The following ITSN1 variants were observed in gnomAD, a reference collection of about 807,000 sequenced individuals.
The protein encoded by ITSN1 is intersectin 1, also known as intersectin-1.
ITSN1 carries 58 observed loss-of-function variants against 239.8 expected under a neutral mutation model. The ratio of observed to expected loss-of-function variants is 0.24; its 90% confidence interval spans 0.20 to 0.30. The LOEUF (loss-of-function observed/expected upper bound fraction) is 0.30. ITSN1 is among the 10% of genes least tolerant of loss of function. The probability of loss-of-function intolerance (pLI) is 1.00; values close to 1 mark genes in which losing one functional copy is unlikely to be tolerated. For missense variants in ITSN1, 1,558 were observed against 2,103.3 expected, an observed-to-expected ratio of 0.74 and a Z score of 5.07; for synonymous variants, 780 against 770.8, an observed-to-expected ratio of 1.01 and a Z score of -0.20.
chr21:33,868,684 C>T (rs1467971554), intron 33 of ITSN1, among the ~76,000 whole-genome samples: 2 of 152,228 alleles, frequency 1.3e-5, no homozygotes, highest in Non-Finnish European at 2.9e-5. Context: ...GCCCCGGTTC[C>T]TGCTCGCGCC....
intron 8 of ITSN1, among the ~76,000 whole-genome samples, chr21:33,757,959 C>A (rs1176321243): frequency 6.6e-6 from 1 of 152,118 alleles, no homozygotes; most frequent in African/African-American, 2.4e-5. Flanking sequence ...TCACTGCAGC[C>A]TTGAACTCCT....
intron 1 of ITSN1, among the ~76,000 whole-genome samples, chr21:33,699,443 G>A (rs1222087695): frequency 6.6e-6 from 1 of 152,210 alleles, no homozygotes; most frequent in African/African-American, 2.4e-5. Flanking sequence ...TAAAATACAA[G>A]TCCAGCTGGC....
At chr21:33,761,841 C>A (rs2068351166) in intron 8 of ITSN1, 82 bp from the exon 9 acceptor site, 18 of 959,768 alleles carry the variant, frequency 1.9e-5, no homozygotes, top group Non-Finnish European at 3.4e-6. Flanking sequence ...ATGGAGTAGT[C>A]CACATACGCA....
At chr21:33,868,620 A>C (rs6517194) in intron 33 of ITSN1, among the ~76,000 whole-genome samples, 94,204 of 152,122 alleles carry the variant, frequency 0.62, 31,189 homozygotes, top group African/African-American at 0.88. Context: ...AGTGCGGGGC[A>C]CGCCAAGCCC....
rs1267317460 is a variant in ITSN1 at position 33,654,042 on chromosome 21, C to A, written c.-33+11329C>A. ...CCTTCTTTCCTTCCTCTTTCTCTTT[C>A]TTTCTCTCTTTGTCTCTTCTTTCTC... On this transcript the variant is annotated intron_variant, in intron 1 of 39. Transcript: ENST00000381318. Among the ~76,000 whole-genome samples the A allele has an allele frequency of 2.6e-5, 4 of 151,678 alleles. No individual in the cohort carries two copies. In the South Asian group the frequency reaches 8.3e-4, roughly 32 times the overall value.
At position 33,895,595 on chromosome 21, in the gene ITSN1, G is replaced by GC. The variant is rs1337683670; in HGVS notation, c.*7296dup. 2 of 134,478 alleles carry GC rather than the reference G, an allele frequency of 1.5e-5. No individual in the cohort carries two copies. Among genetic ancestry groups the GC allele is most frequent in the African/African-American group, 5.3e-5 (2 of 37,610 alleles). 8.3% of individuals were successfully genotyped at this position (134,478 alleles called of 1,614,324 possible). A position where few individuals can be genotyped will look rare whatever the true frequency, so the allele number is the denominator to read the frequency against. The stretch of plus-strand genomic sequence containing the variant: ...TGTGCGTGTGTGCATGTTTGTGAGT[G>GC]CATGTGTTTGTGCGTGTGTGCGTAT... On this transcript the variant is annotated 3_prime_UTR_variant, in exon 40 of 40. Coordinates refer to ENST00000381318, the MANE Select transcript of ITSN1 (RefSeq NM_003024.3).
intron 9 of ITSN1, among the ~76,000 whole-genome samples, chr21:33,762,716 G>A (rs2068436166): frequency 6.7e-6 from 1 of 149,508 alleles, no homozygotes; most frequent in South Asian, 2.1e-4. Flanking sequence ...TCATCCAGAT[G>A]GCAGTGGTGC....
In ITSN1 at chr21:33,643,010, G is replaced by A. The variant is rs1259906669; in HGVS notation, c.-33+297G>A. Among the ~76,000 whole-genome samples, 3 of 149,478 alleles carry A rather than the reference G, an allele frequency of 2.0e-5. No individual in the cohort carries two copies. The South Asian group carries it at 6.3e-4, about 31-fold the overall frequency. ...CCGCGGGACGGGCGTGGGGATGAAT[G>A]GGCGCCGCGGCCCCGCCGCCGAGCG... On this transcript the variant is annotated intron_variant, in intron 1 of 39. Coordinates refer to ENST00000381318, the MANE Select transcript of ITSN1 (RefSeq NM_003024.3).
At chr21:33,782,844 T>C (rs2070315244) in intron 16 of ITSN1, among the ~76,000 whole-genome samples, 1 of 152,056 alleles carries the variant, frequency 6.6e-6, no homozygotes, top group Non-Finnish European at 1.5e-5. Flanking sequence ...GCTAACACGG[T>C]GAAACCCCGT....
intron 1 of ITSN1, among the ~76,000 whole-genome samples, chr21:33,709,772 A>AT (rs2092359227): frequency 1.3e-5 from 2 of 152,046 alleles, no homozygotes; most frequent in Non-Finnish European, 2.9e-5. Flanking sequence ...TGTTTTCTAG[A>AT]TTCTCTGGGA....
At position 33,865,072 on chromosome 21, in the gene ITSN1, T is replaced by C; in HGVS notation, c.3891-79T>C. The stretch of plus-strand genomic sequence containing the variant: ...GGCTGTGCCCCTCACACACATTCTG[T>C]TTCTGTGCAACCTAAGTGTGCTGTG... On this transcript the variant is annotated intron_variant, in intron 31 of 39. Transcript: ENST00000381318. This position sits in a 1 kb window ranked among gnomAD's most constrained non-coding sequence, Gnocchi z 4.4. 1 of 1,421,722 alleles carries C rather than the reference T, an allele frequency of 7.0e-7. No homozygotes were observed. Among genetic ancestry groups the C allele is most frequent in the South Asian group, 1.4e-5 (1 of 71,618 alleles). The allele number at this position is 1,421,722 out of a possible 1,614,324, so 88.1% of individuals were successfully genotyped here. A position where few individuals can be genotyped will look rare whatever the true frequency, so the allele number is the denominator to read the frequency against.
chr21:33,754,385 G>A (rs2067774490), intron 7 of ITSN1, among the ~76,000 whole-genome samples: 2 of 152,202 alleles, frequency 1.3e-5, no homozygotes, highest in African/African-American at 4.8e-5. Context: ...CAGTATTTCA[G>A]TAAGATTGTG....
chr21:33,869,039 A>T (rs1982251818), intron 33 of ITSN1, among the ~76,000 whole-genome samples: 1 of 151,282 alleles, frequency 6.6e-6, no homozygotes, highest in South Asian at 2.1e-4. Context: ...TTCTCCCTTG[A>T]CTCTTTCTTA....
intron 17 of ITSN1, among the ~76,000 whole-genome samples, chr21:33,795,801 T>TAAAATAGCATAATACAG (rs1213638343): frequency 3.3e-5 from 5 of 152,076 alleles, no homozygotes; most frequent in African/African-American, 4.8e-5. Context: ...GAAAAATACA[T>TAAAATAGCATAATACAG]AAAATAGCAT....
intron 15 of ITSN1, 53 bp downstream of exon 15, chr21:33,781,601 C>A: frequency 2.0e-6 from 2 of 1,023,920 alleles, no homozygotes; most frequent in Non-Finnish European, 2.9e-6. Context: ...CTTTTTTTGA[C>A]ATGGAGTCTC....
intron 5 of ITSN1, among the ~76,000 whole-genome samples, chr21:33,738,279 A>G (rs2066624005): frequency 6.6e-6 from 1 of 152,208 alleles, no homozygotes; most frequent in African/African-American, 2.4e-5. Context: ...CACAATGATA[A>G]CCCTAAAAAG....
chr21:33,642,965 G>A (rs1197912309), intron 1 of ITSN1, among the ~76,000 whole-genome samples: 4 of 150,420 alleles, frequency 2.7e-5, no homozygotes, highest in Non-Finnish European at 5.9e-5. Context: ...CGGGGGCCGC[G>A]GTGGGCCGTG....
rs138435222 is a variant in ITSN1, at chr21:33,703,904, T to G, written c.-32-14893T>G. ...TCCTCGCCGAAGAGCTCCGGGCCCTTAGCCCTGAGGTGCTGCCTCTGCTTG... is the reference window on the plus strand; with the variant it reads ...TCCTCGCCGAAGAGCTCCGGGCCCTGAGCCCTGAGGTGCTGCCTCTGCTTG... On this transcript the variant is annotated intron_variant, in intron 1 of 39. Transcript: ENST00000381318. Among the ~76,000 whole-genome samples, 17 of 152,280 alleles carry G rather than the reference T, an allele frequency of 1.1e-4. No homozygotes were observed. In the East Asian group the frequency reaches 3.3e-3, roughly 29 times the overall value.
At chr21:33,832,602 G>A (rs538182850) in intron 27 of ITSN1, among the ~76,000 whole-genome samples, 9 of 152,338 alleles carry the variant, frequency 5.9e-5, no homozygotes, top group African/African-American at 2.2e-4. Flanking sequence ...GTGCTGCAGA[G>A]GTGTGGGAAA....
Sources: allele counts gnomAD v4.1 joint callset (sites outside exome capture counted in the v4.1 genomes callset), GRCh38; gene constraint gnomAD v4.1.1; non-coding constraint Gnocchi (gnomAD v3.1); transcripts MANE v1.5; gene names NCBI Gene and HGNC (gene_info 2026-07-23, HGNC 2026-07-21).